Variants in LCN10 observed in about 807,000 individuals in gnomAD.
The protein encoded by LCN10 is epididymal-specific lipocalin-10.
LCN10 carries 18 observed loss-of-function variants against 25.1 expected under a neutral mutation model. The ratio of observed to expected loss-of-function variants is 0.72; its 90% CI spans 0.50 to 1.06. The LOEUF (loss-of-function observed/expected upper bound fraction) is 1.06. Among genes scored for constraint, LCN10 ranks in the 50% least tolerant of loss-of-function variants. LCN10 has a pLI of 0.00. For synonymous variants in LCN10, 130 were observed against 116.7 expected (o/e 1.11, Z -0.73); for missense variants, 257 against 258.9 (o/e 0.99, Z 0.05).
rs1474443541 is a variant in LCN10, at chr9:136,742,790, G to A, written c.114C>T (p.Asn38=). ...GGACCAGTGGCACATGGCTCACCTTGTTCCAGTTGAGGGCGTGGGACTCCC... is the reference window on the plus strand; with the variant it reads ...GGACCAGTGGCACATGGCTCACCTTATTCCAGTTGAGGGCGTGGGACTCCC... ...YPRESHALNW[N]KFSGFWYILA... Residue 38 remains asparagine, a synonymous_variant, in exon 1 of 6, where the codon AAC becomes AAT. Coordinates refer to ENST00000497771, the MANE Select transcript of LCN10 (RefSeq NM_001001712.3). 1 of 1,613,298 alleles carries A rather than the reference G, an allele frequency of 6.2e-7. No homozygotes were observed. The highest frequency in any genetic ancestry group is 1.7e-5 in the Admixed American group (1 of 60,010).
intron 2 of LCN10, 171 bp downstream of exon 2, chr9:136,741,710 G>A (rs992876019): frequency 2.2e-6 from 2 of 921,088 alleles, no homozygotes; most frequent in Non-Finnish European, 3.2e-6. Flanking sequence ...CACCCATGTG[G>A]GGTCCCAGGG....
Position 136,740,222 on chromosome 9 carries a change from C to T in LCN10, c.476-174G>A. The T allele has an allele frequency of 1.6e-6, 1 of 621,118 alleles. No individual in the cohort carries two copies. 38.5% of individuals were successfully genotyped at this position (621,118 alleles called of 1,614,324 possible). On this transcript the variant is annotated intron_variant, in intron 4 of 5. Transcript: ENST00000497771. The surrounding 1 kb of genome is among the most constrained non-coding windows in gnomAD (Gnocchi z 5.3). Reference sequence around the variant, plus strand: ...GCTGGGCCCCTCCCCACTTACGAGGCAGCCAGGCTCGGGAAGCCAGGGTCA... The same window carrying T: ...GCTGGGCCCCTCCCCACTTACGAGGTAGCCAGGCTCGGGAAGCCAGGGTCA...
rs1208988003 is a variant in LCN10 at position 136,739,914 on chromosome 9, G to C, written c.574+36C>G. 3 of 1,485,426 alleles carry C rather than the reference G, an allele frequency of 2.0e-6. No homozygotes were observed. The highest frequency in any genetic ancestry group is 2.8e-6 in the Non-Finnish European group (3 of 1,083,812). The allele number at this position is 1,485,426 out of a possible 1,614,324, so 92.0% of individuals were successfully genotyped here. A position where few individuals can be genotyped will look rare whatever the true frequency, so the allele number is the denominator to read the frequency against. On this transcript the variant is annotated intron_variant, in intron 5 of 5. Transcript: ENST00000497771. This position sits in a 1 kb window ranked among gnomAD's most constrained non-coding sequence, Gnocchi z 6.1. Reference sequence around the variant, plus strand: ...AGCTCCCCAATGGGACGGGCAGGTAGGGCCAGGAGGGCAAAGGGCTGAGGG... The same window carrying C: ...AGCTCCCCAATGGGACGGGCAGGTACGGCCAGGAGGGCAAAGGGCTGAGGG...
In LCN10 at chr9:136,739,929, AG is replaced by A. The variant is rs762297442; in HGVS notation, c.574+20del. Reference sequence around the variant, plus strand: ...CGGGCAGGTAGGGCCAGGAGGGCAAAGGGCTGAGGGCACAGCTTACCGTCTT... The same window carrying A: ...CGGGCAGGTAGGGCCAGGAGGGCAAAGGCTGAGGGCACAGCTTACCGTCTT... On this transcript the variant is annotated intron_variant, in intron 5 of 5. Coordinates refer to ENST00000497771, the MANE Select transcript of LCN10 (RefSeq NM_001001712.3). This position sits in a 1 kb window ranked among gnomAD's most constrained non-coding sequence, Gnocchi z 6.1. The A allele has an allele frequency of 1.0e-5, 16 of 1,561,304 alleles. No homozygotes were observed. The highest frequency in any genetic ancestry group is 1.7e-4 in the Middle Eastern group (1 of 6,002).
Position 136,740,226 on chromosome 9 carries a change from C to A in LCN10, c.476-178G>T. On this transcript the variant is annotated intron_variant, in intron 4 of 5. Coordinates refer to ENST00000497771, the MANE Select transcript of LCN10 (RefSeq NM_001001712.3). This position sits in a 1 kb window ranked among gnomAD's most constrained non-coding sequence, Gnocchi z 5.3. ...GGCCCCTCCCCACTTACGAGGCAGCCAGGCTCGGGAAGCCAGGGTCACCAC... is the reference window on the plus strand; with the variant it reads ...GGCCCCTCCCCACTTACGAGGCAGCAAGGCTCGGGAAGCCAGGGTCACCAC... 1 of 618,298 alleles carries A rather than the reference C, an allele frequency of 1.6e-6. No homozygotes were observed. The highest frequency in any genetic ancestry group is 2.9e-6 in the Non-Finnish European group (1 of 340,126). 38.3% of individuals were successfully genotyped at this position (618,298 alleles called of 1,614,324 possible). A position where few individuals can be genotyped will look rare whatever the true frequency, so the allele number is the denominator to read the frequency against.
At chr9:136,741,197 A>T in intron 3 of LCN10, 55 bp downstream of exon 3, 1 of 1,482,088 alleles carries the variant, frequency 6.7e-7, no homozygotes, top group Non-Finnish European at 9.4e-7. Flanking sequence ...CTCAAGGCAC[A>T]GGGGGGTCAG....
At chr9:136,741,770 T>C (rs7862031) in intron 2 of LCN10, 111 bp downstream of exon 2, 233,506 of 1,383,882 alleles carry the variant, frequency 0.17, 21,730 homozygotes, top group African/African-American at 0.35. Context: ...GGGGGACGGT[T>C]CTTGTGGAAC....
chr9:136,740,603 G>C lies in LCN10; in HGVS notation c.475+233C>G, dbSNP rs1385090529. On this transcript the variant is annotated intron_variant, in intron 4 of 5. Coordinates refer to ENST00000497771, the MANE Select transcript of LCN10 (RefSeq NM_001001712.3). This position sits in a 1 kb window ranked among gnomAD's most constrained non-coding sequence, Gnocchi z 5.3. ...ATCCTGGTGGCCTCCGCTCCCCCTG[G>C]ATGGCCCACCTTTCTCTGCAGCCTC... The C allele has an allele frequency of 3.5e-5, 19 of 547,424 alleles. No individual in the cohort carries two copies. Among genetic ancestry groups the C allele is most frequent in the Non-Finnish European group, 6.2e-5 (19 of 308,040 alleles). 33.9% of individuals were successfully genotyped at this position (547,424 alleles called of 1,614,324 possible).
At chr9:136,742,166 G>T in intron 1 of LCN10, 146 bp from the exon 2 acceptor site, 1 of 1,004,278 alleles carries the variant, frequency 1.0e-6, no homozygotes, top group Non-Finnish European at 1.4e-6. Context: ...CTCGGTCCCG[G>T]CCACTCAAGC....
At chr9:136,742,113 G>A in intron 1 of LCN10, 93 bp from the exon 2 acceptor site, 1 of 1,499,932 alleles carries the variant, frequency 6.7e-7, no homozygotes, top group Non-Finnish European at 9.0e-7. Flanking sequence ...GGAGACAAAT[G>A]ACCCTTCTGT....
At position 136,739,069 on chromosome 9, in the gene LCN10, C is replaced by T. The variant is rs1337514075; in HGVS notation, c.*456G>A. ...TGCCGATTCTGTTCCCTAACGCAGC[C>T]GCAGGGGCCAGCACGCTGCCTGGCA... On this transcript the variant is annotated 3_prime_UTR_variant, in exon 6 of 6. Transcript: ENST00000497771. This position sits in a 1 kb window ranked among gnomAD's most constrained non-coding sequence, Gnocchi z 6.1. 2 of 205,430 alleles carry T rather than the reference C, an allele frequency of 9.7e-6. No homozygotes were observed. The highest frequency in any genetic ancestry group is 8.1e-5 in the South Asian group (1 of 12,356). The allele number at this position is 205,430 out of a possible 1,614,324, so 12.7% of individuals were successfully genotyped here. A position where few individuals can be genotyped will look rare whatever the true frequency, so the allele number is the denominator to read the frequency against.
Position 136,742,796 on chromosome 9 carries a change from G to T in LCN10, c.108C>A (p.Asn36Lys), listed in dbSNP as rs752682247. The T allele has an allele frequency of 1.9e-6, 3 of 1,613,414 alleles. No homozygotes were observed. The highest frequency in any genetic ancestry group is 4.5e-5 in the East Asian group (2 of 44,880). Residue 36 changes from asparagine to lysine, a missense_variant, in exon 1 of 6, where the codon AAC becomes AAA. Coordinates refer to ENST00000497771, the MANE Select transcript of LCN10 (RefSeq NM_001001712.3). ...EWYPRESHAL[N>K]WNKFSGFWYI... ...GTGGCACATGGCTCACCTTGTTCCA[G>T]TTGAGGGCGTGGGACTCCCTGGGGT... is the stretch of plus-strand genomic sequence containing the variant.
At chr9:136,741,624 G>T in intron 2 of LCN10, 1 of 613,576 alleles carries the variant, frequency 1.6e-6, no homozygotes, top group South Asian at 2.0e-5. Context: ...GTGGGGCCCA[G>T]GAGCTGCAAG....
rs754020728 is a variant in LCN10, at chr9:136,741,374, C to T, written c.258-13G>A. 3.8e-6 allele frequency: 6 copies of T among 1,597,058 alleles called. No homozygotes were observed. The highest frequency in any genetic ancestry group is 1.1e-5 in the South Asian group (1 of 90,714). ...GCACCCCTTCAACCTGGGGCCAAGG[C>T]GGGGGCTCAGGCTGCAGACCAGGGA... is the stretch of plus-strand genomic sequence containing the variant. On this transcript the variant is annotated splice_polypyrimidine_tract_variant and intron_variant, in intron 2 of 5. Transcript: ENST00000497771.
rs753352737 is a variant in LCN10 at position 136,740,687 on chromosome 9, G to A, written c.475+149C>T. The A allele has an allele frequency of 5.3e-5, 32 of 607,204 alleles. No individual in the cohort carries two copies. The highest frequency in any genetic ancestry group is 8.7e-5 in the Admixed American group (3 of 34,556). The allele number at this position is 607,204 out of a possible 1,614,324, so 37.6% of individuals were successfully genotyped here. On this transcript the variant is annotated intron_variant, in intron 4 of 5. Transcript: ENST00000497771. This position sits in a 1 kb window ranked among gnomAD's most constrained non-coding sequence, Gnocchi z 5.3. ...TCCAGGACCTGACTGCTGTGGTCTC[G>A]GCTTCCATTGCCCCTGCCCTGACCA...
rs1256209878 is a variant in LCN10, at chr9:136,739,878, C to T, written c.574+72G>A. The T allele has an allele frequency of 1.3e-5, 15 of 1,196,598 alleles. No homozygotes were observed. Among genetic ancestry groups the T allele is most frequent in the Non-Finnish European group, 1.8e-5 (15 of 823,040 alleles). 74.1% of individuals were successfully genotyped at this position (1,196,598 alleles called of 1,614,324 possible). On this transcript the variant is annotated intron_variant, in intron 5 of 5. Transcript: ENST00000497771. This position sits in a 1 kb window ranked among gnomAD's most constrained non-coding sequence, Gnocchi z 6.1. Reference sequence around the variant, plus strand: ...AATGGATCCTTTCATCTCTCCTTCCCCCAATGAATCAGCTCCCCAATGGGA... The same window carrying T: ...AATGGATCCTTTCATCTCTCCTTCCTCCAATGAATCAGCTCCCCAATGGGA...
rs1846874868 is a variant in LCN10 at position 136,738,932 on chromosome 9, T to C, written c.*593A>G. The C allele has an allele frequency of 6.3e-6, 1 of 157,710 alleles. No individual in the cohort carries two copies. Among genetic ancestry groups the C allele is most frequent in the African/African-American group, 2.4e-5 (1 of 41,480 alleles). The allele number at this position is 157,710 out of a possible 1,614,324, so 9.8% of individuals were successfully genotyped here. ...CCCTGGCCGCGCCTAGATACACTTC[T>C]AGGGTCTATACTCGAGTATCCAGGT... On this transcript the variant is annotated 3_prime_UTR_variant, in exon 6 of 6. Coordinates refer to ENST00000497771, the MANE Select transcript of LCN10 (RefSeq NM_001001712.3).
At position 136,741,294 on chromosome 9, in the gene LCN10, C is replaced by T. The variant is rs1588297279; in HGVS notation, c.325G>A (p.Ala109Thr). Reference sequence around the variant, plus strand: ...CTCGGGCCCGCCGCGTATGCACAGGCGTTCCCAAACACCGGCTTCTTCCCG... The same window carrying T: ...CTCGGGCCCGCCGCGTATGCACAGGTGTTCCCAAACACCGGCTTCTTCCCG... ...KDGKKPVFGN[A>T]CAYAAGPREG... The change falls in exon 3 of 6, where the codon GCC (alanine) becomes ACC (threonine). Residue 109 changes from alanine to threonine, a missense_variant. Physicochemically the swap from Ala to Thr is moderately conservative, Grantham distance 58 (BLOSUM62 0). Transcript: ENST00000497771. The T allele has an allele frequency of 5.0e-6, 8 of 1,613,556 alleles. No individual in the cohort carries two copies. In the East Asian group the frequency reaches 8.9e-5, roughly 18 times the overall value.
chr9:136,740,852 C>T lies in LCN10; in HGVS notation c.459G>A (p.Lys153=). 1 of 1,613,084 alleles carries T rather than the reference C, an allele frequency of 6.2e-7. No individual in the cohort carries two copies. Among genetic ancestry groups the T allele is most frequent in the South Asian group, 1.1e-5 (1 of 91,068 alleles). The change falls in exon 4 of 6, where the codon AAG becomes AAA. Residue 153 remains lysine, a synonymous_variant. Transcript: ENST00000497771. The surrounding 1 kb of genome is among the most constrained non-coding windows in gnomAD (Gnocchi z 5.3). ...CCTGCTCACGGAAGAGCAGCAGGTT[C>T]TTGTAGTTTTGGGTTGCACGCCCCA... ...LRLGRATQNY[K]NLLLFHRQNV... is the part of the protein sequence containing the mutation.
Sources: allele counts gnomAD v4.1 joint callset, GRCh38; gene constraint gnomAD v4.1.1; non-coding constraint Gnocchi (gnomAD v3.1); transcripts MANE v1.5; gene names NCBI Gene and HGNC (gene_info 2026-07-23, HGNC 2026-07-21).